XKR6: variants seen among roughly 807,000 people sequenced by gnomAD.
XKR6 encodes the protein XK related 6.
XKR6 carries 22 observed loss-of-function variants against 56.7 expected under a neutral mutation model. That is an observed-to-expected ratio of 0.39 (90% CI 0.28 to 0.55). The LOEUF (loss-of-function observed/expected upper bound fraction) is 0.55, where lower values mean the gene tolerates loss of function less well. Among genes scored for constraint, XKR6 ranks in the 20% least tolerant of loss-of-function variants. The pLI is 0.66. For missense variants in XKR6, 852 were observed against 889.0 expected, an observed-to-expected ratio of 0.96 and a Z score of 0.53; for synonymous variants, 524 against 387.8, an observed-to-expected ratio of 1.35 and a Z score of -4.13.
At chr8:11,137,607 C>A (rs539850881) in intron 1 of XKR6, 2 of 456,250 alleles carry the variant, frequency 4.4e-6, no homozygotes, top group South Asian at 3.1e-5. Flanking sequence ...AGCTCTTCTA[C>A]ACCAAATGAA....
chr8:11,114,760 T>TGC (rs1769779868), intron 1 of XKR6, among the ~76,000 whole-genome samples: 1 of 143,332 alleles, frequency 7.0e-6, no homozygotes, highest in Non-Finnish European at 1.6e-5. Flanking sequence ...TGTGTGTGTG[T>TGC]GTGTGTGTGT....
intron 1 of XKR6, among the ~76,000 whole-genome samples, chr8:11,085,766 C>A (rs2409691): frequency 3.3e-5 from 5 of 152,052 alleles, no homozygotes; most frequent in Admixed American, 3.3e-4. Flanking sequence ...GGGACAGCAA[C>A]GGTCTGGTTC....
chr8:11,109,079 C>G (rs971916026), intron 1 of XKR6: 1 of 152,170 alleles, frequency 6.6e-6, no homozygotes. Context: ...AGTGCAGTGA[C>G]CAAGAAGGTG....
At chr8:10,966,037 C>CGGGTACATCCA (rs1384139619) in intron 1 of XKR6, among the ~76,000 whole-genome samples, 2 of 152,172 alleles carry the variant, frequency 1.3e-5, no homozygotes, top group African/African-American at 4.8e-5. Flanking sequence ...CCTAGAGCAG[C>CGGGTACATCCA]GGTTCTCAAA....
intron 1 of XKR6, among the ~76,000 whole-genome samples, chr8:11,098,030 C>G (rs991847333): frequency 1.3e-5 from 2 of 152,004 alleles, no homozygotes; most frequent in Non-Finnish European, 2.9e-5. Flanking sequence ...TGCAGGGGGG[C>G]TCCCCCAGCA....
intron 1 of XKR6, among the ~76,000 whole-genome samples, chr8:11,044,281 T>C (rs1799354650): frequency 6.6e-6 from 1 of 152,234 alleles, no homozygotes; most frequent in Admixed American, 6.5e-5. Context: ...GAACATAAAG[T>C]GCATGTTTGC....
At chr8:11,043,288 T>C (rs1586469385) in intron 1 of XKR6, among the ~76,000 whole-genome samples, 1 of 151,498 alleles carries the variant, frequency 6.6e-6, no homozygotes, top group Non-Finnish European at 1.5e-5. Context: ...AGGTGGGGTG[T>C]TGGGAGTGAG....
intron 1 of XKR6, among the ~76,000 whole-genome samples, chr8:10,968,822 G>C (rs374790912): frequency 6.6e-6 from 1 of 152,238 alleles, no homozygotes; most frequent in Admixed American, 6.5e-5. Context: ...CACAGGGCTC[G>C]GGCAGTCCAG....
At chr8:11,000,396 A>C (rs1351639630) in intron 1 of XKR6, among the ~76,000 whole-genome samples, 1 of 152,190 alleles carries the variant, frequency 6.6e-6, no homozygotes, top group African/African-American at 2.4e-5. Context: ...TTCAGTAGAC[A>C]CATATTAGGC....
At chr8:11,019,016 GC>G (rs1195747028) in intron 1 of XKR6, among the ~76,000 whole-genome samples, 3 of 151,990 alleles carry the variant, frequency 2.0e-5, no homozygotes, top group East Asian at 1.9e-4. Context: ...TCATCCTCAG[GC>G]CCCCTCACCC....
chr8:11,102,922 C>T (rs923631030), intron 1 of XKR6, among the ~76,000 whole-genome samples: 1 of 152,174 alleles, frequency 6.6e-6, no homozygotes, highest in African/African-American at 2.4e-5. Context: ...GGTCATCAAC[C>T]TCATGAGGAA....
chr8:10,965,203 A>G (rs1229992209), intron 1 of XKR6, among the ~76,000 whole-genome samples: 3 of 152,186 alleles, frequency 2.0e-5, no homozygotes, highest in Non-Finnish European at 2.9e-5. Context: ...CTTCCTTGCC[A>G]GTTCTGAGAA....
intron 1 of XKR6, among the ~76,000 whole-genome samples, chr8:11,132,546 G>C (rs560040506): frequency 6.6e-6 from 1 of 151,786 alleles, no homozygotes; most frequent in Non-Finnish European, 1.5e-5. Flanking sequence ...ATTTTTAGTA[G>C]AGACGGGGTT....
chr8:11,108,032 G>C (rs1056558641), intron 1 of XKR6: 2 of 325,496 alleles, frequency 6.1e-6, no homozygotes, highest in Admixed American at 4.8e-5. Context: ...GCGCCTCTCA[G>C]CGAGGCTGTA....
chr8:11,149,500 A>G (rs1490950125), intron 1 of XKR6, among the ~76,000 whole-genome samples: 2 of 152,226 alleles, frequency 1.3e-5, no homozygotes, highest in African/African-American at 4.8e-5. Flanking sequence ...TCTACATCTC[A>G]TGTTCAGAAT....
intron 1 of XKR6, among the ~76,000 whole-genome samples, chr8:11,183,859 A>T (rs1019850132): frequency 3.9e-5 from 6 of 152,164 alleles, no homozygotes; most frequent in Non-Finnish European, 8.8e-5. Flanking sequence ...GGGTTATAAC[A>T]TTTGCAGTAC....
At chr8:11,129,010 A>C (rs977907322) in intron 1 of XKR6, 1 of 456,144 alleles carries the variant, frequency 2.2e-6, no homozygotes, top group East Asian at 6.9e-5. Context: ...TTGTTAACTG[A>C]GGTGAAACTT....
chr8:11,156,848 T>TAC lies in XKR6; in HGVS notation c.764+43726_764+43727dup, dbSNP rs571443159. Among the ~76,000 whole-genome samples, 8 of 150,992 alleles carry TAC rather than the reference T, an allele frequency of 5.3e-5. No homozygotes were observed. In the South Asian group the frequency reaches 6.3e-4, roughly 12 times the overall value. ...AGACACAGATGCACACACACACACA[T>TAC]ACACACACACACAGAGTCCTTCAGG... On this transcript the variant is annotated intron_variant, in intron 1 of 2. Coordinates refer to ENST00000416569, the MANE Select transcript of XKR6 (RefSeq NM_173683.4).
intron 1 of XKR6, among the ~76,000 whole-genome samples, chr8:11,007,173 C>T (rs758045318): frequency 2.0e-5 from 3 of 152,148 alleles, no homozygotes; most frequent in Non-Finnish European, 4.4e-5. Flanking sequence ...AATGTATGAC[C>T]ATGAGGGATA....
Sources: gnomAD v4.1 joint callset for allele counts (sites outside exome capture counted in the v4.1 genomes callset) on GRCh38, gnomAD v4.1.1 for gene constraint, MANE v1.5 for transcripts, NCBI Gene and HGNC (gene_info 2026-07-23, HGNC 2026-07-21) for gene names.